The following WDR82 variants were observed in gnomAD, a reference collection of about 807,000 sequenced individuals.
The protein encoded by WDR82 is WD repeat domain 82.
Under a neutral mutation model 36.1 loss-of-function variants are expected in WDR82, and 8 were observed. The ratio of observed to expected loss-of-function variants is 0.22; its 90% CI spans 0.13 to 0.40. The LOEUF (loss-of-function observed/expected upper bound fraction) is 0.40. Ranked by LOEUF, WDR82 falls within the 10% of genes least tolerant of loss-of-function variation. The pLI is 1.00. For missense variants in WDR82, 185 were observed against 400.5 expected, an observed-to-expected ratio of 0.46 and a Z score of 4.59; for synonymous variants, 129 against 137.8, an observed-to-expected ratio of 0.94 and a Z score of 0.45.
intron 1 of WDR82, 189 bp downstream of exon 1, chr3:52,278,012 A>C: frequency 2.2e-6 from 1 of 458,680 alleles, no homozygotes; most frequent in African/African-American, 2.0e-5. Flanking sequence ...GACTATCGTT[A>C]TCTTTTTTTT....
Position 52,270,619 on chromosome 3 carries a change from A to G in WDR82, c.259+93T>C, listed in dbSNP as rs1578010377. ...AACATTATATGAAAATACTTAAACTAAAGTAGTCACAAAGCAGAAGTAGTC... is the reference window on the plus strand; with the variant it reads ...AACATTATATGAAAATACTTAAACTGAAGTAGTCACAAAGCAGAAGTAGTC... On this transcript the variant is annotated intron_variant, in intron 2 of 8. Coordinates refer to ENST00000296490, the MANE Select transcript of WDR82 (RefSeq NM_025222.4). The G allele has an allele frequency of 6.0e-5, 55 of 921,508 alleles. No individual in the cohort carries two copies. In the East Asian group the frequency reaches 1.4e-3, roughly 23 times the overall value. 57.1% of individuals were successfully genotyped at this position (921,508 alleles called of 1,614,324 possible).
chr3:52,259,896 C>T (rs902122889), intron 5 of WDR82, 24 bp from the exon 6 acceptor site: 2 of 1,593,310 alleles, frequency 1.3e-6, no homozygotes, highest in African/African-American at 2.7e-5. Context: ...AAAACAGTAG[C>T]CCCAGGCATA....
At chr3:52,273,351 A>G (rs1700170897) in intron 1 of WDR82, among the ~76,000 whole-genome samples, 1 of 149,612 alleles carries the variant, frequency 6.7e-6, no homozygotes, top group South Asian at 2.1e-4. Context: ...GAATCACTGG[A>G]ACCCGGGACA....
rs1481330389 is a variant in WDR82 at position 52,256,524 on chromosome 3, T to C, written c.*966A>G. 3 of 153,730 alleles carry C rather than the reference T, an allele frequency of 2.0e-5. No homozygotes were observed. The Admixed American group carries it at 2.0e-4, about 10-fold the overall frequency. 9.5% of individuals were successfully genotyped at this position (153,730 alleles called of 1,614,324 possible). A position where few individuals can be genotyped will look rare whatever the true frequency, so the allele number is the denominator to read the frequency against. The stretch of plus-strand genomic sequence containing the variant: ...GGTTGGGAGCTGGGGAAAGGGGTGG[T>C]ATCATCTGAAGACTATGTACACAAT... On this transcript the variant is annotated 3_prime_UTR_variant, in exon 9 of 9. Coordinates refer to ENST00000296490, the MANE Select transcript of WDR82 (RefSeq NM_025222.4).
At chr3:52,260,083 C>G (rs967234910) in intron 5 of WDR82, among the ~76,000 whole-genome samples, 2 of 152,144 alleles carry the variant, frequency 1.3e-5, no homozygotes, top group Non-Finnish European at 2.9e-5. Flanking sequence ...GTAATCCCAG[C>G]ACTTTGGGAG....
At chr3:52,265,203 G>A (rs932539201) in intron 3 of WDR82, among the ~76,000 whole-genome samples, 2 of 149,550 alleles carry the variant, frequency 1.3e-5, no homozygotes, top group African/African-American at 4.9e-5. Context: ...AGGAGGCTGA[G>A]GCAGGAGAAT....
chr3:52,277,879 C>G (rs1700220149), intron 1 of WDR82, among the ~76,000 whole-genome samples: 1 of 152,246 alleles, frequency 6.6e-6, no homozygotes, highest in African/African-American at 2.4e-5. Context: ...GCTGAAAACG[C>G]TACCTGGTGG....
intron 8 of WDR82, among the ~76,000 whole-genome samples, chr3:52,257,787 AAAAG>A (rs1474555713): frequency 6.6e-6 from 1 of 152,048 alleles, no homozygotes; most frequent in Non-Finnish European, 1.5e-5. Context: ...GGAAGGGAAA[AAAAG>A]GAGTGCTGCC....
chr3:52,268,164 A>C (rs1421756605), intron 2 of WDR82: 3 of 322,710 alleles, frequency 9.3e-6, no homozygotes, highest in Non-Finnish European at 2.0e-5. Flanking sequence ...TACTGCTAAC[A>C]ATGACTCACC....
chr3:52,276,527 C>T (rs1164941300), intron 1 of WDR82, among the ~76,000 whole-genome samples: 2 of 152,118 alleles, frequency 1.3e-5, no homozygotes, highest in African/African-American at 4.8e-5. Context: ...GGACAAACTG[C>T]AAAGAAATGC....
In WDR82 at chr3:52,254,717, C is replaced by T. The variant is rs942450497; in HGVS notation, c.*2773G>A. 1 of 152,304 alleles carries T rather than the reference C, an allele frequency of 6.6e-6. No homozygotes were observed. Among genetic ancestry groups the T allele is most frequent in the African/African-American group, 2.4e-5 (1 of 41,452 alleles). 9.4% of individuals were successfully genotyped at this position (152,304 alleles called of 1,614,324 possible). A position where few individuals can be genotyped will look rare whatever the true frequency, so the allele number is the denominator to read the frequency against. On this transcript the variant is annotated 3_prime_UTR_variant, in exon 9 of 9. Coordinates refer to ENST00000296490, the MANE Select transcript of WDR82 (RefSeq NM_025222.4). ...TGCAGTGTCACTGTCAAATAAACAT[C>T]AGTGGCTTTGGCCCCAATTCTTAAG...
At chr3:52,260,359 A>G in intron 5 of WDR82, 26 bp downstream of exon 5, 1 of 1,496,688 alleles carries the variant, frequency 6.7e-7, no homozygotes, top group Non-Finnish European at 8.9e-7. Context: ...AAACAGCTCA[A>G]AGATCTCAAA....
chr3:52,274,248 C>A (rs1166519705), intron 1 of WDR82, among the ~76,000 whole-genome samples: 1 of 152,180 alleles, frequency 6.6e-6, no homozygotes. Context: ...CTCCCAAATT[C>A]TAACACTAGG....
At chr3:52,259,081 A>G (rs776815881) in intron 7 of WDR82, 116 bp downstream of exon 7, 17 of 1,206,964 alleles carry the variant, frequency 1.4e-5, no homozygotes, top group Admixed American at 4.3e-5. Context: ...ATAATGTGCT[A>G]TACAGAAATC....
chr3:52,271,502 CT>C (rs1360774537), intron 1 of WDR82, among the ~76,000 whole-genome samples: 4 of 152,046 alleles, frequency 2.6e-5, no homozygotes, highest in Non-Finnish European at 5.9e-5. Flanking sequence ...CAAGTCTTAA[CT>C]TACAACAAAG....
chr3:52,258,693 C>G lies in WDR82; in HGVS notation c.770-15G>C, dbSNP rs771281738. 6.2e-7 allele frequency: 1 copy of G among 1,614,130 alleles called. No homozygotes were observed. Among genetic ancestry groups the G allele is most frequent in the Non-Finnish European group, 8.5e-7 (1 of 1,180,016 alleles). On this transcript the variant is annotated splice_polypyrimidine_tract_variant and intron_variant, in intron 7 of 8. Transcript: ENST00000296490. Reference sequence around the variant, plus strand: ...ATCCTCTGAACCTAAAGAGGATATTCACGGAAAATGTAACAGCTCAAGGCG... The same window carrying G: ...ATCCTCTGAACCTAAAGAGGATATTGACGGAAAATGTAACAGCTCAAGGCG...
At chr3:52,272,000 G>C (rs1700158643) in intron 1 of WDR82, among the ~76,000 whole-genome samples, 2 of 152,110 alleles carry the variant, frequency 1.3e-5, no homozygotes, top group Admixed American at 6.5e-5. Flanking sequence ...TGAGGCAGGA[G>C]AATTCCTTGA....
At chr3:52,259,062 G>T in intron 7 of WDR82, 135 bp downstream of exon 7, 1 of 1,046,960 alleles carries the variant, frequency 9.6e-7, no homozygotes, top group Non-Finnish European at 1.4e-6. Context: ...AAGACACTAT[G>T]TCCTTGGCAT....
In WDR82 at chr3:52,278,392, A is replaced by G. The variant is rs747849761; in HGVS notation, c.-31T>C. ...CGGCTGGGGAAGGCAGCGGCGGCGC[A>G]GGGCCGGGGCGGGGCCCGGCGGCGA... On this transcript the variant is annotated 5_prime_UTR_variant, in exon 1 of 9. Coordinates refer to ENST00000296490, the MANE Select transcript of WDR82 (RefSeq NM_025222.4). 19 of 1,419,862 alleles carry G rather than the reference A, an allele frequency of 1.3e-5. No homozygotes were observed. In the Middle Eastern group the frequency reaches 8.4e-4, roughly 63 times the overall value. 88.0% of individuals were successfully genotyped at this position (1,419,862 alleles called of 1,614,324 possible). A position where few individuals can be genotyped will look rare whatever the true frequency, so the allele number is the denominator to read the frequency against.
Sources: gnomAD v4.1 joint callset for allele counts (sites outside exome capture counted in the v4.1 genomes callset) on GRCh38, gnomAD v4.1.1 for gene constraint, MANE v1.5 for transcripts, NCBI Gene and HGNC (gene_info 2026-07-23, HGNC 2026-07-21) for gene names.